Variants in DIP2C observed in about 807,000 individuals in gnomAD.
The protein encoded by DIP2C is DIP2 acetate--CoA ligase C (putative).
A neutral mutation model predicts 192.4 loss-of-function variants in DIP2C; 33 were observed. That is an observed-to-expected ratio of 0.17 (90% confidence interval 0.13 to 0.23). The LOEUF (loss-of-function observed/expected upper bound fraction) is 0.23. DIP2C is among the 10% of genes least tolerant of loss of function. The pLI is 1.00. For synonymous variants in DIP2C, 979 were observed against 864.1 expected (o/e 1.13, Z -2.33); for missense variants, 1,537 against 2,110.1 (o/e 0.73, Z 5.32).
chr10:603,598 C>A (rs921414691), intron 1 of DIP2C, among the ~76,000 whole-genome samples: 3 of 152,190 alleles, frequency 2.0e-5, no homozygotes, highest in African/African-American at 7.2e-5. Context: ...CTGTTTCTGT[C>A]CAACTATCTG....
chr10:545,165 CCTTT>C (rs1464928064), intron 1 of DIP2C, among the ~76,000 whole-genome samples: 10 of 91,892 alleles, frequency 1.1e-4, no homozygotes, highest in East Asian at 4.9e-4. Context: ...TGGTGTTTTC[CCTTT>C]TTTTTTTTTT....
rs117421417 is a variant in DIP2C, at chr10:535,382, C to T, written c.86-48852G>A. On this transcript the variant is annotated intron_variant, in intron 1 of 36. Transcript: ENST00000280886. ...ATGCTCCGGCCAAAGCCACGCTTCTCGGGGGGCATTTCCCTTCACACATCT... is the reference window on the plus strand; with the variant it reads ...ATGCTCCGGCCAAAGCCACGCTTCTTGGGGGGCATTTCCCTTCACACATCT... Among the ~76,000 whole-genome samples, 24 of 152,016 alleles carry T rather than the reference C, an allele frequency of 1.6e-4. No individual in the cohort carries two copies. In the East Asian group the frequency reaches 2.5e-3, roughly 16 times the overall value.
intron 1 of DIP2C, among the ~76,000 whole-genome samples, chr10:620,100 T>G (rs1415051048): frequency 6.6e-6 from 1 of 152,160 alleles, no homozygotes; most frequent in Non-Finnish European, 1.5e-5. Flanking sequence ...GGGTCACATG[T>G]GGCTGAATGT....
intron 32 of DIP2C, among the ~76,000 whole-genome samples, chr10:306,762 T>G (rs1193625036): frequency 6.6e-6 from 1 of 152,222 alleles, no homozygotes; most frequent in Non-Finnish European, 1.5e-5. Flanking sequence ...TCTGTCACCA[T>G]CCAGCTGCCG....
At chr10:565,173 C>A (rs902522232) in intron 1 of DIP2C, among the ~76,000 whole-genome samples, 5 of 152,044 alleles carry the variant, frequency 3.3e-5, no homozygotes, top group Non-Finnish European at 7.4e-5. Flanking sequence ...TGAGCACAGG[C>A]AAGAGAACAC....
chr10:609,833 G>A (rs1410363385), intron 1 of DIP2C, among the ~76,000 whole-genome samples: 1 of 152,146 alleles, frequency 6.6e-6, no homozygotes, highest in African/African-American at 2.4e-5. Context: ...TGGGACCCCT[G>A]CTTGGTCAGT....
At chr10:638,812 G>A (rs816577) in intron 1 of DIP2C, among the ~76,000 whole-genome samples, 144,594 of 152,318 alleles carry the variant, frequency 0.95, 68,893 homozygotes, top group South Asian at 0.99. Flanking sequence ...AAAATCACGG[G>A]AGCACTGGAG....
chr10:541,252 T>C (rs1048448801), intron 1 of DIP2C, among the ~76,000 whole-genome samples: 5 of 152,042 alleles, frequency 3.3e-5, no homozygotes, highest in African/African-American at 1.2e-4. Flanking sequence ...GGCTGAGGTG[T>C]CCTCTGTCAC....
intron 1 of DIP2C, among the ~76,000 whole-genome samples, chr10:595,766 GGGTTT>G (rs1006820789): frequency 2.0e-5 from 3 of 152,286 alleles, no homozygotes; most frequent in African/African-American, 7.2e-5. Context: ...TTTTCAATAA[GGGTTT>G]GGTTGGGAAA....
intron 32 of DIP2C, among the ~76,000 whole-genome samples, chr10:296,287 A>T (rs1160441200): frequency 1.3e-5 from 2 of 152,290 alleles, no homozygotes; most frequent in South Asian, 2.1e-4. Flanking sequence ...ATCTTGAATT[A>T]ATTTTTGTAT....
intron 1 of DIP2C, among the ~76,000 whole-genome samples, chr10:550,498 T>C (rs1341505128): frequency 6.6e-6 from 1 of 152,188 alleles, no homozygotes; most frequent in Non-Finnish European, 1.5e-5. Flanking sequence ...CATCTTTATA[T>C]TGAAGCTACT....
intron 3 of DIP2C, among the ~76,000 whole-genome samples, chr10:466,303 TAATA>T (rs961737988): frequency 2.0e-5 from 3 of 147,378 alleles, no homozygotes; most frequent in African/African-American, 7.5e-5. Flanking sequence ...ATTCCCTATT[TAATA>T]AATGGTGCTG....
intron 1 of DIP2C, among the ~76,000 whole-genome samples, chr10:579,901 ATC>A (rs1252932589): frequency 6.6e-6 from 1 of 152,066 alleles, no homozygotes; most frequent in Non-Finnish European, 1.5e-5. Context: ...CTAGCACACA[ATC>A]TATATGCATA....
At chr10:470,807 A>G (rs1466191065) in intron 3 of DIP2C, among the ~76,000 whole-genome samples, 1 of 152,206 alleles carries the variant, frequency 6.6e-6, no homozygotes, top group Non-Finnish European at 1.5e-5. Flanking sequence ...GCCATTGGAC[A>G]GCCTCCCTGA....
intron 30 of DIP2C, among the ~76,000 whole-genome samples, 198 bp downstream of exon 30, chr10:329,235 C>T (rs1039782795): frequency 2.6e-5 from 4 of 152,220 alleles, no homozygotes; most frequent in African/African-American, 9.6e-5. Context: ...TGGTTCGTTA[C>T]TGTCTGTGGT....
intron 14 of DIP2C, 93 bp from the exon 15 acceptor site, chr10:384,732 C>A: frequency 1.6e-6 from 2 of 1,266,774 alleles, no homozygotes; most frequent in South Asian, 1.3e-5. Context: ...GCCGCACGGG[C>A]AGGGGGGAGC....
chr10:601,530 A>G (rs767110918), intron 1 of DIP2C, among the ~76,000 whole-genome samples: 1 of 152,242 alleles, frequency 6.6e-6, no homozygotes, highest in Admixed American at 6.5e-5. Context: ...ATGCATTCCC[A>G]GACTCCAGGG....
chr10:516,977 A>T (rs1846404789), intron 1 of DIP2C, among the ~76,000 whole-genome samples: 2 of 151,438 alleles, frequency 1.3e-5, no homozygotes, highest in Non-Finnish European at 2.9e-5. Flanking sequence ...ACTTCCCAGC[A>T]ATGGCCACAG....
rs562476893 is a variant in DIP2C, at chr10:395,619, A to C, written c.1260+3490T>G. ...TTGTTAAGGTCTGTGCGTTCTCCAC[A>C]GCTTTCTGCAAAGCCTGAGGCATCT... On this transcript the variant is annotated intron_variant, in intron 10 of 36. Coordinates refer to ENST00000280886, the MANE Select transcript of DIP2C (RefSeq NM_014974.3). Among the ~76,000 whole-genome samples the C allele has an allele frequency of 5.3e-5, 8 of 152,272 alleles. No individual in the cohort carries two copies. The South Asian group carries it at 1.0e-3, about 20-fold the overall frequency.
Sources: gnomAD v4.1 joint callset for allele counts (sites outside exome capture counted in the v4.1 genomes callset) on GRCh38, gnomAD v4.1.1 for gene constraint, MANE v1.5 for transcripts, NCBI Gene and HGNC (gene_info 2026-07-23, HGNC 2026-07-21) for gene names.